The following MBLAC1 variants were observed in gnomAD, a reference collection of about 807,000 sequenced individuals.
MBLAC1 encodes the protein metallo-beta-lactamase domain containing 1.
A neutral mutation model predicts 1.5 loss-of-function variants in MBLAC1; 1 was observed. The ratio of observed to expected loss-of-function variants is 0.68; its 90% CI spans 0.24 to 3.21. The LOEUF (loss-of-function observed/expected upper bound fraction) is 3.21. Among genes scored for constraint, MBLAC1 ranks in the 30% most tolerant of loss-of-function variants. MBLAC1 has a pLI of 0.20. For missense variants in MBLAC1, 371 were observed against 384.7 expected (o/e 0.96, Z 0.30); for synonymous variants, 197 against 191.3 (o/e 1.03, Z -0.25).
Position 100,127,570 on chromosome 7 carries a change from C to T in MBLAC1, c.175C>T (p.Arg59Ter). 7.0e-7 allele frequency: 1 copy of T among 1,436,054 alleles called. No individual in the cohort carries two copies. The allele number at this position is 1,436,054 out of a possible 1,614,324, so 89.0% of individuals were successfully genotyped here. A position where few individuals can be genotyped will look rare whatever the true frequency, so the allele number is the denominator to read the frequency against. The change falls in exon 2 of 2, where the codon CGA becomes TGA. Residue 59 changes from arginine (R) to a stop codon, truncating the protein, a stop_gained. Transcript: ENST00000398075. LOFTEE classifies it high-confidence loss of function. This position sits in a 1 kb window ranked among gnomAD's most constrained non-coding sequence, Gnocchi z 4.6. ...GACCCGGGGCCCGGCCTCCAGCCAC[C>T]GAGAGTCCCCGCGCGGGAGTGGCGG... Reference protein sequence around the residue: ...PQTRGPASSHRESPRGSGGAE... With the variant: ...PQTRGPASSH
Position 100,127,920 on chromosome 7 carries a change from G to A in MBLAC1, c.525G>A (p.Val175=), listed in dbSNP as rs185341914. 572 of 1,585,404 alleles carry A rather than the reference G, an allele frequency of 3.6e-4. 1 individual carries two copies. Among genetic ancestry groups the A allele is most frequent in the Admixed American group, 1.9e-3 (105 of 55,020 alleles). ...ATPGHGGQRD[V]SVVVAGTALG... ...CGGGCCACGGGGGCCAGCGCGACGT[G>A]AGCGTGGTGGTGGCCGGCACGGCTC... The change falls in exon 2 of 2, where the codon GTG becomes GTA. Residue 175 remains valine, a synonymous_variant. Coordinates refer to ENST00000398075, the MANE Select transcript of MBLAC1 (RefSeq NM_203397.3). The surrounding 1 kb of genome is among the most constrained non-coding windows in gnomAD (Gnocchi z 4.6).
In MBLAC1 at chr7:100,127,436, T is replaced by G; in HGVS notation, c.41T>G (p.Val14Gly). Residue 14 changes from valine (V) to glycine (G), a missense_variant, in exon 2 of 2, where the codon GTG becomes GGG. By Grantham distance (109) the Val-to-Gly change is moderately radical. Coordinates refer to ENST00000398075, the MANE Select transcript of MBLAC1 (RefSeq NM_203397.3). The surrounding 1 kb of genome is among the most constrained non-coding windows in gnomAD (Gnocchi z 4.6). ...EPLCGASPLL[V>G]PGDPYSVVVL... ...CTGTGCGGGGCATCCCCTCTGCTGG[T>G]GCCCGGCGACCCCTACTCTGTGGTG... 6.3e-7 allele frequency: 1 copy of G among 1,594,380 alleles called. No individual in the cohort carries two copies. Among genetic ancestry groups the G allele is most frequent in the Non-Finnish European group, 8.5e-7 (1 of 1,177,904 alleles).
chr7:100,128,097 C>T lies in MBLAC1; in HGVS notation c.702C>T (p.Pro234=). 6.2e-7 allele frequency: 1 copy of T among 1,609,944 alleles called. No homozygotes were observed. Among genetic ancestry groups the T allele is most frequent in the African/African-American group, 1.3e-5 (1 of 74,966 alleles). Residue 234 remains proline, a synonymous_variant, in exon 2 of 2, where the codon CCC becomes CCT. Coordinates refer to ENST00000398075, the MANE Select transcript of MBLAC1 (RefSeq NM_203397.3). ...TGGTCGTACCTGGTCACGGGCCCCC[C>T]TTTCGAGTGTTAAGGGAAGCCTCGC... ...ADVVVPGHGP[P]FRVLREASQP... is the part of the protein sequence containing the mutation.
Position 100,127,108 on chromosome 7 carries a change from G to A in MBLAC1, c.-29+44G>A, listed in dbSNP as rs1798238766. On this transcript the variant is annotated intron_variant, in intron 1 of 1. Coordinates refer to ENST00000398075, the MANE Select transcript of MBLAC1 (RefSeq NM_203397.3). The surrounding 1 kb of genome is among the most constrained non-coding windows in gnomAD (Gnocchi z 4.6). ...TCGATGGAGGGAAACATAAAGGATA[G>A]CCTTTGGAGGGTGACGGGCAAGGAC... 2.1e-6 allele frequency: 1 copy of A among 473,310 alleles called. No individual in the cohort carries two copies. The highest frequency in any genetic ancestry group is 4.0e-5 in the Admixed American group (1 of 25,298). 29.3% of individuals were successfully genotyped at this position (473,310 alleles called of 1,614,324 possible).
rs751343704 is a variant in MBLAC1 at position 100,127,723 on chromosome 7, G to A, written c.328G>A (p.Val110Met). 7.4e-6 allele frequency: 11 copies of A among 1,478,018 alleles called. No individual in the cohort carries two copies. The highest frequency in any genetic ancestry group is 9.8e-6 in the Non-Finnish European group (11 of 1,116,852). The allele number at this position is 1,478,018 out of a possible 1,614,324, so 91.6% of individuals were successfully genotyped here. A position where few individuals can be genotyped will look rare whatever the true frequency, so the allele number is the denominator to read the frequency against. Residue 110 changes from valine (V) to methionine (M), a missense_variant, in exon 2 of 2, where the codon GTG (valine) becomes ATG (methionine). Transcript: ENST00000398075. This position sits in a 1 kb window ranked among gnomAD's most constrained non-coding sequence, Gnocchi z 4.6. ...CGTGGCCCCGGGAGACGTGACGCTA[G>A]TGGTGGGGACCCACGGGCACTCGGA... ...QGVAPGDVTL[V>M]VGTHGHSDHI...
chr7:100,127,326 G>A lies in MBLAC1; in HGVS notation c.-28-42G>A. Reference sequence around the variant, plus strand: ...CGAGCGCGGGTGGGGGATCGCGGAGGGACAGGACGGTCGCCCACTGCTCCA... The same window carrying A: ...CGAGCGCGGGTGGGGGATCGCGGAGAGACAGGACGGTCGCCCACTGCTCCA... On this transcript the variant is annotated intron_variant, in intron 1 of 1. Coordinates refer to ENST00000398075, the MANE Select transcript of MBLAC1 (RefSeq NM_203397.3). This position sits in a 1 kb window ranked among gnomAD's most constrained non-coding sequence, Gnocchi z 4.6. 2 of 1,415,636 alleles carry A rather than the reference G, an allele frequency of 1.4e-6. No individual in the cohort carries two copies. Among genetic ancestry groups the A allele is most frequent in the Non-Finnish European group, 1.9e-6 (2 of 1,062,014 alleles). 87.7% of individuals were successfully genotyped at this position (1,415,636 alleles called of 1,614,324 possible).
Position 100,128,169 on chromosome 7 carries a change from C to T in MBLAC1, c.774C>T (p.Val258=), listed in dbSNP as rs1490800802. Residue 258 remains valine, a synonymous_variant, in exon 2 of 2, where the codon GTC becomes GTT. Coordinates refer to ENST00000398075, the MANE Select transcript of MBLAC1 (RefSeq NM_203397.3). Reference sequence around the variant, plus strand: ...GGAACAGCCAGCAGGAGCCGGTGGTCGGAGACGAGGAGCCCGCCCTGCACT... The same window carrying T: ...GGAACAGCCAGCAGGAGCCGGTGGTTGGAGACGAGGAGCCCGCCCTGCACT... The part of the protein sequence containing the change: ...GGGNSQQEPV[V]GDEEPALH 5.0e-6 allele frequency: 8 copies of T among 1,598,832 alleles called. No individual in the cohort carries two copies. The highest frequency in any genetic ancestry group is 1.7e-5 in the Admixed American group (1 of 57,500).
Position 100,127,593 on chromosome 7 carries a change from C to T in MBLAC1, c.198C>T (p.Gly66=), listed in dbSNP as rs371728730. 6 of 1,406,062 alleles carry T rather than the reference C, an allele frequency of 4.3e-6. No homozygotes were observed. The highest frequency in any genetic ancestry group is 2.9e-5 in the East Asian group (1 of 34,842). 87.1% of individuals were successfully genotyped at this position (1,406,062 alleles called of 1,614,324 possible). A position where few individuals can be genotyped will look rare whatever the true frequency, so the allele number is the denominator to read the frequency against. Reference sequence around the variant, plus strand: ...ACCGAGAGTCCCCGCGCGGGAGTGGCGGCGCAGAGGCCGCCCTGGAGGAGG... The same window carrying T: ...ACCGAGAGTCCCCGCGCGGGAGTGGTGGCGCAGAGGCCGCCCTGGAGGAGG... ...SSHRESPRGS[G]GAEAALEEAA... is the part of the protein sequence containing the mutation. Residue 66 remains glycine, a synonymous_variant, in exon 2 of 2, where the codon GGC becomes GGT. Transcript: ENST00000398075. This position sits in a 1 kb window ranked among gnomAD's most constrained non-coding sequence, Gnocchi z 4.6.
Position 100,127,392 on chromosome 7 carries a change from C to T in MBLAC1, c.-4C>T. On this transcript the variant is annotated 5_prime_UTR_variant, in exon 2 of 2. Transcript: ENST00000398075. The surrounding 1 kb of genome is among the most constrained non-coding windows in gnomAD (Gnocchi z 4.6). ...GCCCGTCCCTCCCTGCCAGGAGCAG[C>T]CTCATGCGGACCGAGCCGCTGTGCG... The T allele has an allele frequency of 6.3e-7, 1 of 1,585,504 alleles. No homozygotes were observed. Among genetic ancestry groups the T allele is most frequent in the Non-Finnish European group, 8.5e-7 (1 of 1,174,298 alleles).
chr7:100,128,113 G>A lies in MBLAC1; in HGVS notation c.718G>A (p.Glu240Lys), dbSNP rs987686662. The change falls in exon 2 of 2, where the codon GAA becomes AAA. Residue 240 changes from glutamate (E) to lysine (K), a missense_variant. Physicochemically the swap from Glu to Lys is moderately conservative, Grantham distance 56. Transcript: ENST00000398075. ...CGGGCCCCCCTTTCGAGTGTTAAGGGAAGCCTCGCAGCCCGAGACGGAGGG... is the reference window on the plus strand; with the variant it reads ...CGGGCCCCCCTTTCGAGTGTTAAGGAAAGCCTCGCAGCCCGAGACGGAGGG... ...GHGPPFRVLR[E>K]ASQPETEGGG... 2 of 1,608,668 alleles carry A rather than the reference G, an allele frequency of 1.2e-6. No individual in the cohort carries two copies. The highest frequency in any genetic ancestry group is 2.7e-5 in the African/African-American group (2 of 74,848).
Position 100,127,095 on chromosome 7 carries a change from A to C in MBLAC1, c.-29+31A>C. 2.5e-6 allele frequency: 1 copy of C among 400,596 alleles called. No individual in the cohort carries two copies. Among genetic ancestry groups the C allele is most frequent in the Non-Finnish European group, 4.5e-6 (1 of 220,114 alleles). 24.8% of individuals were successfully genotyped at this position (400,596 alleles called of 1,614,324 possible). The stretch of plus-strand genomic sequence containing the variant: ...GCGCGGCTAGGATTCGATGGAGGGA[A>C]ACATAAAGGATAGCCTTTGGAGGGT... On this transcript the variant is annotated intron_variant, in intron 1 of 1. Transcript: ENST00000398075. The surrounding 1 kb of genome is among the most constrained non-coding windows in gnomAD (Gnocchi z 4.6).
chr7:100,127,447 C>A lies in MBLAC1; in HGVS notation c.52C>A (p.Pro18Thr), dbSNP rs1798253779. 1.3e-6 allele frequency: 2 copies of A among 1,594,372 alleles called. No homozygotes were observed. Among genetic ancestry groups the A allele is most frequent in the African/African-American group, 2.7e-5 (2 of 74,692 alleles). ...GASPLLVPGDPYSVVVLLQGY... is the reference protein window; with the variant it reads ...GASPLLVPGDTYSVVVLLQGY... ...ATCCCCTCTGCTGGTGCCCGGCGAC[C>A]CCTACTCTGTGGTGGTTCTGCTGCA... Residue 18 changes from proline (P) to threonine (T), a missense_variant, in exon 2 of 2, where the codon CCC becomes ACC. By Grantham distance (38) the Pro-to-Thr change is conservative (BLOSUM62 -1). Coordinates refer to ENST00000398075, the MANE Select transcript of MBLAC1 (RefSeq NM_203397.3). This position sits in a 1 kb window ranked among gnomAD's most constrained non-coding sequence, Gnocchi z 4.6.
At position 100,127,815 on chromosome 7, in the gene MBLAC1, C is replaced by G. The variant is rs1798266562; in HGVS notation, c.420C>G (p.Pro140=). 6.4e-7 allele frequency: 1 copy of G among 1,573,282 alleles called. No individual in the cohort carries two copies. Among genetic ancestry groups the G allele is most frequent in the Non-Finnish European group, 8.6e-7 (1 of 1,158,910 alleles). ...ALLVSHDFCL[P]GGRYLPHGLG... is the part of the protein sequence containing the mutation. The stretch of plus-strand genomic sequence containing the variant: ...TGGTCTCGCACGACTTCTGCCTTCC[C>G]GGAGGCCGCTACCTGCCCCACGGGC... Residue 140 remains proline (P), a synonymous_variant, in exon 2 of 2, where the codon CCC becomes CCG. Transcript: ENST00000398075. This position sits in a 1 kb window ranked among gnomAD's most constrained non-coding sequence, Gnocchi z 4.6.
rs756348969 is a variant in MBLAC1, at chr7:100,127,491, G to C, written c.96G>C (p.Glu32Asp). The C allele has an allele frequency of 6.3e-7, 1 of 1,586,892 alleles. No homozygotes were observed. The highest frequency in any genetic ancestry group is 1.1e-5 in the South Asian group (1 of 89,770). Residue 32 changes from glutamate to aspartate, a missense_variant, in exon 2 of 2, where the codon GAG becomes GAC. By Grantham distance (45) the Glu-to-Asp change is conservative. Transcript: ENST00000398075. The surrounding 1 kb of genome is among the most constrained non-coding windows in gnomAD (Gnocchi z 4.6). Reference protein sequence around the residue: ...VVLLQGYAEPEGVGDAVRADG... With the variant: ...VVLLQGYAEPDGVGDAVRADG... ...TGCTGCAGGGCTACGCGGAGCCAGAGGGTGTGGGCGATGCCGTGCGCGCCG... is the reference window on the plus strand; with the variant it reads ...TGCTGCAGGGCTACGCGGAGCCAGACGGTGTGGGCGATGCCGTGCGCGCCG...
rs572206449 is a variant in MBLAC1, at chr7:100,127,758, G to C, written c.363G>C (p.Gly121=). The C allele has an allele frequency of 6.5e-7, 1 of 1,540,010 alleles. No homozygotes were observed. Among genetic ancestry groups the C allele is most frequent in the East Asian group, 2.3e-5 (1 of 42,878 alleles). The part of the protein sequence containing the change: ...VGTHGHSDHI[G]NLGLFPGAAL... The stretch of plus-strand genomic sequence containing the variant: ...CCCACGGGCACTCGGATCACATCGG[G>C]AACTTGGGGCTGTTCCCAGGCGCGG... The change falls in exon 2 of 2, where the codon GGG becomes GGC. Residue 121 remains glycine (G), a synonymous_variant. Coordinates refer to ENST00000398075, the MANE Select transcript of MBLAC1 (RefSeq NM_203397.3). This position sits in a 1 kb window ranked among gnomAD's most constrained non-coding sequence, Gnocchi z 4.6.
At position 100,128,196 on chromosome 7, in the gene MBLAC1, A is replaced by G; in HGVS notation, c.801A>G (p.Ter267=). ...VVGDEEPALH[*] Reference sequence around the variant, plus strand: ...GAGACGAGGAGCCCGCCCTGCACTAATCAGCCTCGAGAGGGACTGCACTCT... The same window carrying G: ...GAGACGAGGAGCCCGCCCTGCACTAGTCAGCCTCGAGAGGGACTGCACTCT... Residue 267 remains the stop codon, a stop_retained_variant, in exon 2 of 2, where the codon TAA becomes TAG. Transcript: ENST00000398075. 6.3e-7 allele frequency: 1 copy of G among 1,579,574 alleles called. No individual in the cohort carries two copies. Among genetic ancestry groups the G allele is most frequent in the South Asian group, 1.2e-5 (1 of 86,608 alleles).
chr7:100,127,412 T>C lies in MBLAC1; in HGVS notation c.17T>C (p.Leu6Pro). Residue 6 changes from leucine to proline, a missense_variant, in exon 2 of 2, where the codon CTG becomes CCG. Transcript: ENST00000398075. The surrounding 1 kb of genome is among the most constrained non-coding windows in gnomAD (Gnocchi z 4.6). MRTEP[L>P]CGASPLLVPG... ...AGCAGCCTCATGCGGACCGAGCCGC[T>C]GTGCGGGGCATCCCCTCTGCTGGTG... 6.3e-7 allele frequency: 1 copy of C among 1,592,728 alleles called. No homozygotes were observed. The highest frequency in any genetic ancestry group is 8.5e-7 in the Non-Finnish European group (1 of 1,177,398).
rs772543851 is a variant in MBLAC1 at position 100,127,627 on chromosome 7, G to A, written c.232G>A (p.Gly78Ser). Reference sequence around the variant, plus strand: ...GGCCGCCCTGGAGGAGGCGGCCCGTGGCCCCATCCTGGTGGACACCGGGGG... The same window carrying A: ...GGCCGCCCTGGAGGAGGCGGCCCGTAGCCCCATCCTGGTGGACACCGGGGG... ...AEAALEEAAR[G>S]PILVDTGGPW... Residue 78 changes from glycine (G) to serine (S), a missense_variant, in exon 2 of 2, where the codon GGC becomes AGC. Transcript: ENST00000398075. The surrounding 1 kb of genome is among the most constrained non-coding windows in gnomAD (Gnocchi z 4.6). 3.6e-6 allele frequency: 5 copies of A among 1,397,646 alleles called. No homozygotes were observed. Among genetic ancestry groups the A allele is most frequent in the Middle Eastern group, 2.5e-4 (1 of 3,966 alleles). The allele number at this position is 1,397,646 out of a possible 1,614,324, so 86.6% of individuals were successfully genotyped here. A position where few individuals can be genotyped will look rare whatever the true frequency, so the allele number is the denominator to read the frequency against.
chr7:100,127,877 T>C lies in MBLAC1; in HGVS notation c.482T>C (p.Leu161Pro). The stretch of plus-strand genomic sequence containing the variant: ...CAGCCCCTGCGCCTGGGCCCGGGGC[T>C]CGAGGTGTGGGCCACGCCGGGCCAC... The part of the protein sequence containing the change: ...EGQPLRLGPG[L>P]EVWATPGHGG... The change falls in exon 2 of 2, where the codon CTC becomes CCC. Residue 161 changes from leucine (L) to proline (P), a missense_variant. Coordinates refer to ENST00000398075, the MANE Select transcript of MBLAC1 (RefSeq NM_203397.3). The surrounding 1 kb of genome is among the most constrained non-coding windows in gnomAD (Gnocchi z 4.6). The C allele has an allele frequency of 6.4e-7, 1 of 1,560,788 alleles. No individual in the cohort carries two copies. The highest frequency in any genetic ancestry group is 8.7e-7 in the Non-Finnish European group (1 of 1,151,824).
Sources: gnomAD v4.1 joint callset for allele counts on GRCh38, gnomAD v4.1.1 for gene constraint, Gnocchi (gnomAD v3.1) non-coding constraint, MANE v1.5 for transcripts, NCBI Gene and HGNC (gene_info 2026-07-23, HGNC 2026-07-21) for gene names.